FBXL14: variants seen among roughly 807,000 people sequenced by gnomAD.
FBXL14 encodes the protein F-box and leucine rich repeat protein 14, also known as F-box/LRR-repeat protein 14.
Under a neutral mutation model 24.5 loss-of-function variants are expected in FBXL14, and 11 were observed. The observed-to-expected ratio is 0.45, with a 90% CI of 0.28 to 0.74. The LOEUF is 0.74. FBXL14 is among the 30% of genes least tolerant of loss of function. FBXL14 has a pLI of 0.12. For synonymous variants in FBXL14, 294 were observed against 240.4 expected (o/e 1.22, Z -2.06); for missense variants, 384 against 545.6 (o/e 0.70, Z 2.95).
At chr12:1,578,045 C>T (rs1056760641) in intron 1 of FBXL14, among the ~76,000 whole-genome samples, 1 of 152,200 alleles carries the variant, frequency 6.6e-6, no homozygotes, top group Non-Finnish European at 1.5e-5. Flanking sequence ...GCCAGTTTGA[C>T]ACAATGAACT....
At chr12:1,573,829 ACCTTGTCTC>A (rs2094449867) in intron 1 of FBXL14, among the ~76,000 whole-genome samples, 1 of 152,146 alleles carries the variant, frequency 6.6e-6, no homozygotes, top group African/African-American at 2.4e-5. Context: ...ACATGGAGAA[ACCTTGTCTC>A]TACTACAAAT....
chr12:1,586,198 T>C (rs199621581), intron 1 of FBXL14, among the ~76,000 whole-genome samples: 3 of 151,290 alleles, frequency 2.0e-5, no homozygotes, highest in African/African-American at 7.3e-5. Flanking sequence ...TTTTTTTTTT[T>C]ACTCCTAATG....
chr12:1,577,409 G>A (rs1282570534), intron 1 of FBXL14, among the ~76,000 whole-genome samples: 2 of 111,882 alleles, frequency 1.8e-5, no homozygotes, highest in African/African-American at 6.4e-5. Context: ...TATTCTGGAG[G>A]AATTTTAAAT....
chr12:1,576,177 A>G (rs2094455590), intron 1 of FBXL14, among the ~76,000 whole-genome samples: 1 of 152,134 alleles, frequency 6.6e-6, no homozygotes, highest in Non-Finnish European at 1.5e-5. Flanking sequence ...TAAATCAAGG[A>G]CCTGATTTGG....
intron 1 of FBXL14, among the ~76,000 whole-genome samples, chr12:1,578,061 C>T (rs757203573): frequency 7.2e-5 from 11 of 152,182 alleles, no homozygotes; most frequent in Non-Finnish European, 1.2e-4. Context: ...GAACTTTAGA[C>T]GTAACATTTC....
Position 1,593,508 on chromosome 12 carries a change from T to C in FBXL14, c.559A>G (p.Ile187Val). Residue 187 changes from isoleucine (I) to valine (V), a missense_variant, in exon 1 of 2, where the codon ATC (isoleucine) becomes GTC (valine). Transcript: ENST00000339235. The surrounding 1 kb of genome is among the most constrained non-coding windows in gnomAD (Gnocchi z 7.4). ...CGCGTCATGCCGGCCAGGTGCCCGA[T>C]GCCCACATCCGAAAGGTGGCGGCAG... ...RSCRHLSDVG[I>V]GHLAGMTRSA... 1.9e-6 allele frequency: 3 copies of C among 1,613,784 alleles called. No homozygotes were observed. Among genetic ancestry groups the C allele is most frequent in the Non-Finnish European group, 2.5e-6 (3 of 1,179,930 alleles).
At chr12:1,573,402 C>T (rs2094448813) in intron 1 of FBXL14, among the ~76,000 whole-genome samples, 1 of 152,224 alleles carries the variant, frequency 6.6e-6, no homozygotes, top group South Asian at 2.1e-4. Context: ...TCCTCAGCCC[C>T]TATCACAGGA....
At position 1,568,834 on chromosome 12, in the gene FBXL14, C is replaced by G. The variant is rs2094440526; in HGVS notation, c.1195-2024G>C. ...CGAGATCACGCCATTGCCCTCCAGC[C>G]TGGGTGACAGAGACTCCATCTCAAA... On this transcript the variant is annotated intron_variant, in intron 1 of 1. Coordinates refer to ENST00000339235, the MANE Select transcript of FBXL14 (RefSeq NM_152441.3). 2.0e-5 allele frequency among the ~76,000 whole-genome samples: 3 copies of G among 152,130 alleles called. No individual in the cohort carries two copies. The South Asian group carries it at 6.2e-4, about 32-fold the overall frequency.
At chr12:1,571,044 A>AT (rs1217901321) in intron 1 of FBXL14, among the ~76,000 whole-genome samples, 1 of 151,510 alleles carries the variant, frequency 6.6e-6, no homozygotes, top group Non-Finnish European at 1.5e-5. Flanking sequence ...ATCACTAATA[A>AT]TCGGTCATTG....
At chr12:1,586,167 C>G (rs957426857) in intron 1 of FBXL14, among the ~76,000 whole-genome samples, 4 of 148,522 alleles carry the variant, frequency 2.7e-5, no homozygotes, top group Non-Finnish European at 5.9e-5. Context: ...ATAGTAATAA[C>G]TTTTAGCATT....
At position 1,589,270 on chromosome 12, in the gene FBXL14, G is replaced by A. The variant is rs147898478; in HGVS notation, c.1194+3603C>T. ...AAAAAATAGCCAGCCATGGTGGTGT[G>A]CGCCTGTAGTCTCAGCTACTCAGGA... On this transcript the variant is annotated intron_variant, in intron 1 of 1. Coordinates refer to ENST00000339235, the MANE Select transcript of FBXL14 (RefSeq NM_152441.3). 4.4e-4 allele frequency among the ~76,000 whole-genome samples: 66 copies of A among 150,882 alleles called. 1 individual carries two copies. The highest frequency in any genetic ancestry group is 1.6e-3 in the African/African-American group (64 of 41,144).
At chr12:1,584,192 T>A (rs980142913) in intron 1 of FBXL14, among the ~76,000 whole-genome samples, 55 of 151,426 alleles carry the variant, frequency 3.6e-4, no homozygotes, top group African/African-American at 1.1e-3. Flanking sequence ...AAAAAAAAAA[T>A]AATAATAGTA....
At chr12:1,574,694 A>G in intron 1 of FBXL14, 1 of 173,608 alleles carries the variant, frequency 5.8e-6, no homozygotes, top group Non-Finnish European at 1.2e-5. Context: ...AACCTCAGGA[A>G]GCTTCGCAGT....
chr12:1,573,644 TTCTCCAGTC>T (rs1356945622), intron 1 of FBXL14, among the ~76,000 whole-genome samples: 1 of 151,556 alleles, frequency 6.6e-6, no homozygotes, highest in Non-Finnish European at 1.5e-5. Flanking sequence ...TGAGGAAGAG[TTCTCCAGTC>T]AAACAGAGAG....
intron 1 of FBXL14, among the ~76,000 whole-genome samples, chr12:1,589,146 G>A (rs1207226820): frequency 6.6e-6 from 1 of 150,762 alleles, no homozygotes; most frequent in Non-Finnish European, 1.5e-5. Context: ...CCAGGACTTT[G>A]GGAGGCCGAG....
upstream of FBXL14, among the ~76,000 whole-genome samples, chr12:1,594,811 C>G (rs2094498517): frequency 6.6e-6 from 1 of 151,396 alleles, no homozygotes; most frequent in African/African-American, 2.4e-5. Context: ...GGCCCCGGCT[C>G]CGCCGCCCTG....
chr12:1,576,962 G>A (rs956282945), intron 1 of FBXL14, among the ~76,000 whole-genome samples: 3 of 152,318 alleles, frequency 2.0e-5, no homozygotes, highest in African/African-American at 7.2e-5. Flanking sequence ...GCTGCAATGC[G>A]TTGGTCAGCA....
At chr12:1,573,891 G>A (rs1321789213) in intron 1 of FBXL14, among the ~76,000 whole-genome samples, 3 of 152,114 alleles carry the variant, frequency 2.0e-5, no homozygotes, top group Admixed American at 2.0e-4. Flanking sequence ...TGTAATCCCA[G>A]CTACTCAGGA....
In FBXL14 at chr12:1,594,040, G is replaced by T; in HGVS notation, c.27C>A (p.Phe9Leu). METHISCL[F>L]PELLAMIFGY... ...CGAAGATCATGGCCAGCAGCTCCGG[G>T]AACAGGCATGAGATGTGGGTCTCCA... The change falls in exon 1 of 2, where the codon TTC (phenylalanine) becomes TTA (leucine). Residue 9 changes from phenylalanine (F) to leucine (L), a missense_variant. By Grantham distance (22) the Phe-to-Leu change is conservative. Transcript: ENST00000339235. 1.3e-6 allele frequency: 2 copies of T among 1,549,372 alleles called. No individual in the cohort carries two copies. Among genetic ancestry groups the T allele is most frequent in the Non-Finnish European group, 8.7e-7 (1 of 1,155,470 alleles).
Sources: allele counts gnomAD v4.1 joint callset (sites outside exome capture counted in the v4.1 genomes callset), GRCh38; gene constraint gnomAD v4.1.1; non-coding constraint Gnocchi (gnomAD v3.1); transcripts MANE v1.5; gene names NCBI Gene and HGNC (gene_info 2026-07-23, HGNC 2026-07-21).